The following MBD5 variants were observed in gnomAD, a reference collection of about 807,000 sequenced individuals.
MBD5 encodes methyl-CpG binding domain protein 5.
Under a neutral mutation model 117.3 loss-of-function variants are expected in MBD5, and 13 were observed. That is an observed-to-expected ratio of 0.11 (90% CI 0.07 to 0.18). MBD5 has a LOEUF of 0.18. MBD5 is among the 10% of genes least tolerant of loss of function. The pLI, the probability that MBD5 is intolerant of heterozygous loss-of-function variation, is 1.00. For missense variants in MBD5, 1,879 were observed against 2,093.8 expected (o/e 0.90, Z 2.00); for synonymous variants, 727 against 766.4 (o/e 0.95, Z 0.85).
At chr2:148,362,202 A>G (rs1703559403) in intron 4 of MBD5, among the ~76,000 whole-genome samples, 1 of 152,226 alleles carries the variant, frequency 6.6e-6, no homozygotes, top group South Asian at 2.1e-4. Context: ...AGCGGATCCC[A>G]GCCCCACAGA....
At chr2:148,282,087 T>C (rs1027144125) in intron 3 of MBD5, among the ~76,000 whole-genome samples, 6 of 152,150 alleles carry the variant, frequency 3.9e-5, no homozygotes, top group Non-Finnish European at 5.9e-5. Flanking sequence ...TCTTATACTT[T>C]ATTCTGTTAT....
intron 1 of MBD5, among the ~76,000 whole-genome samples, chr2:148,131,306 T>TA (rs1332389344): frequency 6.6e-6 from 1 of 152,218 alleles, no homozygotes; most frequent in Non-Finnish European, 1.5e-5. Context: ...GTATGACATG[T>TA]AATGAGTGGT....
intron 4 of MBD5, among the ~76,000 whole-genome samples, chr2:148,418,577 A>G (rs184315128): frequency 3.7e-4 from 57 of 152,316 alleles, no homozygotes; most frequent in Admixed American, 7.8e-4. Context: ...GTATAAACCA[A>G]AAACAACCAA....
intron 1 of MBD5, among the ~76,000 whole-genome samples, chr2:148,048,770 ACT>A (rs1427339019): frequency 2.0e-5 from 3 of 152,086 alleles, no homozygotes; most frequent in African/African-American, 7.2e-5. Flanking sequence ...CTCAGGGGAA[ACT>A]CTGTGGTTGA....
intron 9 of MBD5, chr2:148,485,266 T>C (rs2105089390): frequency 6.4e-6 from 1 of 155,170 alleles, no homozygotes; most frequent in African/African-American, 2.4e-5. Context: ...ACCAAATCGA[T>C]GATTTGATTT....
intron 4 of MBD5, among the ~76,000 whole-genome samples, chr2:148,353,738 G>T (rs138982637): frequency 6.6e-6 from 1 of 151,926 alleles, no homozygotes; most frequent in African/African-American, 2.4e-5. Flanking sequence ...GTGCCAGCAG[G>T]TACAGCTAAT....
chr2:148,078,073 C>T (rs1213048757), intron 1 of MBD5, among the ~76,000 whole-genome samples: 3 of 152,094 alleles, frequency 2.0e-5, no homozygotes, highest in Admixed American at 2.0e-4. Context: ...ATTTCCTATG[C>T]CGTTGAGTTG....
chr2:148,228,231 G>T (rs1699887537), intron 2 of MBD5, among the ~76,000 whole-genome samples: 1 of 152,158 alleles, frequency 6.6e-6, no homozygotes, highest in African/African-American at 2.4e-5. Context: ...CATTCAGTAT[G>T]ATATTGGCTG....
At chr2:148,361,687 T>A (rs1224232902) in intron 4 of MBD5, among the ~76,000 whole-genome samples, 1 of 152,170 alleles carries the variant, frequency 6.6e-6, no homozygotes, top group Non-Finnish European at 1.5e-5. Context: ...TGGACAACAA[T>A]CACTAGATGT....
At chr2:148,152,400 A>G (rs1397604260) in intron 1 of MBD5, among the ~76,000 whole-genome samples, 1 of 152,186 alleles carries the variant, frequency 6.6e-6, no homozygotes, top group East Asian at 1.9e-4. Context: ...CGGTGCTGAA[A>G]AAAGTGTATA....
chr2:148,148,468 ATTATT>A (rs756960215), intron 1 of MBD5, among the ~76,000 whole-genome samples: 1 of 152,112 alleles, frequency 6.6e-6, no homozygotes, highest in Non-Finnish European at 1.5e-5. Flanking sequence ...TATTCTTTGG[ATTATT>A]TTAAGTTTTT....
At chr2:148,266,441 A>C (rs1025078807) in intron 3 of MBD5, among the ~76,000 whole-genome samples, 2 of 152,084 alleles carry the variant, frequency 1.3e-5, no homozygotes, top group Admixed American at 6.5e-5. Flanking sequence ...AATTTTAAGA[A>C]TAGCAAGCAT....
chr2:148,468,500 T>G lies in MBD5; in HGVS notation c.557T>G (p.Leu186Arg). The change falls in exon 8 of 14, where the codon CTG (leucine) becomes CGG (arginine). Residue 186 changes from leucine to arginine, a missense_variant. Coordinates refer to ENST00000642680, the MANE Select transcript of MBD5 (RefSeq NM_001378120.1). ...ATGGGAAGGCTATATGTACAAGAACTGCCTGGAAGCCAACAACAAGAACTC... is the reference window on the plus strand; with the variant it reads ...ATGGGAAGGCTATATGTACAAGAACGGCCTGGAAGCCAACAACAAGAACTC... Reference protein sequence around the residue: ...NAMGRLYVQELPGSQQQELHP... With the variant: ...NAMGRLYVQERPGSQQQELHP... 2 of 1,613,872 alleles carry G rather than the reference T, an allele frequency of 1.2e-6. No individual in the cohort carries two copies. Among genetic ancestry groups the G allele is most frequent in the Non-Finnish European group, 1.7e-6 (2 of 1,179,870 alleles).
At chr2:148,285,694 A>C (rs28594070) in intron 3 of MBD5, among the ~76,000 whole-genome samples, 1 of 151,974 alleles carries the variant, frequency 6.6e-6, no homozygotes, top group African/African-American at 2.4e-5. Flanking sequence ...CCACATCACC[A>C]CTGTTAGTTG....
intron 1 of MBD5, among the ~76,000 whole-genome samples, chr2:148,144,338 T>C (rs1304609556): frequency 6.6e-6 from 1 of 152,132 alleles, no homozygotes; most frequent in African/African-American, 2.4e-5. Flanking sequence ...TTGTAGATTC[T>C]GGATATTAGC....
intron 3 of MBD5, among the ~76,000 whole-genome samples, chr2:148,326,382 G>A (rs1200609220): frequency 6.6e-6 from 1 of 152,054 alleles, no homozygotes; most frequent in Non-Finnish European, 1.5e-5. Context: ...TTCAATTCCT[G>A]GGTATCCTTG....
At chr2:148,453,493 C>T (rs1706788691) in intron 4 of MBD5, among the ~76,000 whole-genome samples, 1 of 151,782 alleles carries the variant, frequency 6.6e-6, no homozygotes, top group South Asian at 2.1e-4. Flanking sequence ...TAAATTAAGT[C>T]CTAAGTATAA....
chr2:148,249,407 G>GA (rs1053024586), intron 3 of MBD5, among the ~76,000 whole-genome samples: 1 of 151,846 alleles, frequency 6.6e-6, no homozygotes. Context: ...TATTGTTTTG[G>GA]AAAAAACAAT....
chr2:148,480,996 T>C (rs1681132077), intron 8 of MBD5, among the ~76,000 whole-genome samples: 1 of 152,040 alleles, frequency 6.6e-6, no homozygotes, highest in Non-Finnish European at 1.5e-5. Flanking sequence ...ACCACTACTA[T>C]GACTACTAAT....
Sources: gnomAD v4.1 joint callset for allele counts (sites outside exome capture counted in the v4.1 genomes callset) on GRCh38, gnomAD v4.1.1 for gene constraint, MANE v1.5 for transcripts, NCBI Gene and HGNC (gene_info 2026-07-23, HGNC 2026-07-21) for gene names.